Variants in CNTN1 observed in about 807,000 individuals in gnomAD.
CNTN1 encodes the protein contactin-1.
CNTN1 carries 38 observed loss-of-function variants against 126.4 expected under a neutral mutation model. The ratio of observed to expected loss-of-function variants is 0.30; its 90% CI spans 0.23 to 0.39. The LOEUF (loss-of-function observed/expected upper bound fraction) is 0.39, where lower values mean the gene tolerates loss of function less well. Among genes scored for constraint, CNTN1 ranks in the 10% least tolerant of loss-of-function variants. CNTN1 has a pLI of 1.00. For missense variants in CNTN1, 1,009 were observed against 1,248.4 expected, an observed-to-expected ratio of 0.81 and a Z score of 2.89; for synonymous variants, 413 against 422.6, an observed-to-expected ratio of 0.98 and a Z score of 0.28.
At chr12:40,924,287 CA>C (rs1227235924) in intron 5 of CNTN1, among the ~76,000 whole-genome samples, 2 of 152,092 alleles carry the variant, frequency 1.3e-5, no homozygotes, top group Non-Finnish European at 2.9e-5. Context: ...CAAAAGTCTT[CA>C]GGATATTTGT....
chr12:40,826,272 TTGATAAAACTTCTGTGATTTTTCA>T (rs1324779735), intron 1 of CNTN1, among the ~76,000 whole-genome samples: 1 of 152,180 alleles, frequency 6.6e-6, no homozygotes. Flanking sequence ...TATGATTAAA[TTGATAAAACTTCTGTGATTTTTCA>T]AAAAGTCTGA....
intron 1 of CNTN1, among the ~76,000 whole-genome samples, chr12:40,769,908 G>A (rs1388192424): frequency 2.6e-5 from 4 of 152,078 alleles, no homozygotes; most frequent in Non-Finnish European, 5.9e-5. Flanking sequence ...ATCTCTAACA[G>A]AACATTATTA....
intron 23 of CNTN1, among the ~76,000 whole-genome samples, chr12:41,038,839 G>A (rs992779229): frequency 1.3e-5 from 2 of 151,980 alleles, no homozygotes; most frequent in Non-Finnish European, 2.9e-5. Context: ...AGAGAGCAAG[G>A]GCATCTGTTT....
intron 15 of CNTN1, among the ~76,000 whole-genome samples, chr12:40,961,829 G>C (rs1947115138): frequency 6.6e-6 from 1 of 152,040 alleles, no homozygotes; most frequent in Non-Finnish European, 1.5e-5. Context: ...CATTTAGATT[G>C]TGAATTGCTT....
intron 1 of CNTN1, among the ~76,000 whole-genome samples, chr12:40,836,192 T>C (rs998760829): frequency 6.8e-6 from 1 of 148,118 alleles, no homozygotes; most frequent in East Asian, 1.9e-4. Context: ...ATATAGTATA[T>C]ATGTATAAAT....
intron 23 of CNTN1, among the ~76,000 whole-genome samples, chr12:41,055,739 AT>A (rs1320341187): frequency 6.6e-6 from 1 of 152,158 alleles, no homozygotes; most frequent in Non-Finnish European, 1.5e-5. Flanking sequence ...TTTTAATCAC[AT>A]TTAGATGGTT....
chr12:40,907,219 GGCCCT>G lies in CNTN1; in HGVS notation c.-76-1134_-76-1130del, dbSNP rs563486464. ...CTAAGAATGCAACACTCCTGTATAA[GGCCCT>G]GCCTACCGCAGGAAGGCCCATTCCC... On this transcript the variant is annotated intron_variant, in intron 1 of 23. Coordinates refer to ENST00000551295, the MANE Select transcript of CNTN1 (RefSeq NM_001843.4). Among the ~76,000 whole-genome samples the G allele has an allele frequency of 1.2e-4, 18 of 152,194 alleles. No individual in the cohort carries two copies. The East Asian group carries it at 3.5e-3, about 29-fold the overall frequency.
intron 12 of CNTN1, among the ~76,000 whole-genome samples, chr12:40,940,798 A>G (rs1262617950): frequency 6.6e-6 from 1 of 152,160 alleles, no homozygotes; most frequent in Non-Finnish European, 1.5e-5. Flanking sequence ...TAAGATTTTA[A>G]CAAAATGATA....
Position 41,070,023 on chromosome 12 carries a change from C to T in CNTN1, c.3045C>T (p.Tyr1015=), listed in dbSNP as rs760345126. 6.2e-7 allele frequency: 1 copy of T among 1,614,002 alleles called. No individual in the cohort carries two copies. Among genetic ancestry groups the T allele is most frequent in the South Asian group, 1.1e-5 (1 of 91,084 alleles). Reference sequence around the variant, plus strand: ...TGCCTGCCTTTGGCATCCTTGTCTACTTGGAATTCTGAATGTGTTGTGACA... The same window carrying T: ...TGCCTGCCTTTGGCATCCTTGTCTATTTGGAATTCTGAATGTGTTGTGACA... ...LLLPAFGILV[Y]LEF is the part of the protein sequence containing the mutation. Residue 1015 remains tyrosine, a synonymous_variant, in exon 24 of 24, where the codon TAC becomes TAT. Coordinates refer to ENST00000551295, the MANE Select transcript of CNTN1 (RefSeq NM_001843.4).
At chr12:40,995,457 C>T (rs958555395) in intron 17 of CNTN1, among the ~76,000 whole-genome samples, 23 of 151,746 alleles carry the variant, frequency 1.5e-4, no homozygotes, top group African/African-American at 4.6e-4. Flanking sequence ...ATCAGAACAA[C>T]ATTTTTCCTT....
chr12:40,722,976 A>G (rs1942256609), intron 1 of CNTN1, among the ~76,000 whole-genome samples: 1 of 152,094 alleles, frequency 6.6e-6, no homozygotes, highest in Non-Finnish European at 1.5e-5. Flanking sequence ...AATAGAATTT[A>G]TTGGCTTTCA....
chr12:40,738,396 A>T (rs1338827785), intron 1 of CNTN1, among the ~76,000 whole-genome samples: 1 of 152,068 alleles, frequency 6.6e-6, no homozygotes, highest in East Asian at 1.9e-4. Context: ...GGTAAAAAAA[A>T]TTTAATCTTT....
chr12:40,938,704 G>A (rs1946163926), intron 11 of CNTN1, among the ~76,000 whole-genome samples: 1 of 152,138 alleles, frequency 6.6e-6, no homozygotes. Flanking sequence ...CTTTCCTTGT[G>A]GAATTGAGTC....
intron 23 of CNTN1, among the ~76,000 whole-genome samples, chr12:41,048,686 C>T (rs573887424): frequency 6.9e-6 from 1 of 143,894 alleles, no homozygotes; most frequent in Non-Finnish European, 1.5e-5. Context: ...TAAGACAAAA[C>T]AAAACAGAGC....
At chr12:41,010,328 G>C (rs1948614269) in intron 17 of CNTN1, among the ~76,000 whole-genome samples, 1 of 152,180 alleles carries the variant, frequency 6.6e-6, no homozygotes, top group Admixed American at 6.5e-5. Flanking sequence ...GGCTAGACAA[G>C]GTTAAGGTGG....
intron 1 of CNTN1, among the ~76,000 whole-genome samples, chr12:40,717,682 T>C (rs1942083309): frequency 6.6e-6 from 1 of 152,216 alleles, no homozygotes; most frequent in African/African-American, 2.4e-5. Context: ...CACAGTTTTA[T>C]GTAGAAATAT....
At chr12:40,784,791 C>T (rs1939942958) in intron 1 of CNTN1, among the ~76,000 whole-genome samples, 1 of 152,156 alleles carries the variant, frequency 6.6e-6, no homozygotes, top group East Asian at 1.9e-4. Context: ...ATGTACTTAC[C>T]CACACCTTCC....
At chr12:41,007,160 C>G (rs371317171) in intron 17 of CNTN1, among the ~76,000 whole-genome samples, 1 of 144,674 alleles carries the variant, frequency 6.9e-6, no homozygotes, top group Non-Finnish European at 1.5e-5. Flanking sequence ...CCCGGGTTCA[C>G]GCCATTCTCC....
chr12:41,012,941 C>T (rs1278839825), intron 17 of CNTN1, among the ~76,000 whole-genome samples: 1 of 152,010 alleles, frequency 6.6e-6, no homozygotes, highest in Non-Finnish European at 1.5e-5. Context: ...AAACTTAGGA[C>T]ATGGATACAC....
Sources: allele counts gnomAD v4.1 joint callset (sites outside exome capture counted in the v4.1 genomes callset), GRCh38; gene constraint gnomAD v4.1.1; transcripts MANE v1.5; gene names NCBI Gene and HGNC (gene_info 2026-07-23, HGNC 2026-07-21).